The following PCDHGC3 variants were observed in gnomAD, a reference collection of about 807,000 sequenced individuals.
PCDHGC3 encodes protocadherin gamma subfamily C, 3, also known as protocadherin gamma-C3.
PCDHGC3 carries 26 observed loss-of-function variants against 59.2 expected under a neutral mutation model. The ratio of observed to expected loss-of-function variants is 0.44; its 90% CI spans 0.32 to 0.61. The LOEUF (loss-of-function observed/expected upper bound fraction) is 0.61, where lower values mean the gene tolerates loss of function less well. Among genes scored for constraint, PCDHGC3 ranks in the 20% least tolerant of loss-of-function variants. The pLI is 0.05. For synonymous variants in PCDHGC3, 487 were observed against 519.7 expected, an observed-to-expected ratio of 0.94 and a Z score of 0.86; for missense variants, 1,080 against 1,221.8, an observed-to-expected ratio of 0.88 and a Z score of 1.73.
intron 1 of PCDHGC3, chr5:141,478,790 C>T: frequency 6.8e-7 from 1 of 1,472,906 alleles, no homozygotes. Flanking sequence ...AATTCACATC[C>T]TCAGCACTCT....
chr5:141,504,937 G>A (rs1350441435), intron 2 of PCDHGC3, among the ~76,000 whole-genome samples: 2 of 152,054 alleles, frequency 1.3e-5, no homozygotes, highest in East Asian at 1.9e-4. Context: ...GGTGGGTGGG[G>A]GAATGCACTA....
At position 141,511,246 on chromosome 5, in the gene PCDHGC3, G is replaced by A; in HGVS notation, c.*73G>A. 2 of 1,578,734 alleles carry A rather than the reference G, an allele frequency of 1.3e-6. No homozygotes were observed. Among genetic ancestry groups the A allele is most frequent in the Non-Finnish European group, 1.7e-6 (2 of 1,162,472 alleles). On this transcript the variant is annotated 3_prime_UTR_variant, in exon 4 of 4. Coordinates refer to ENST00000308177, the MANE Select transcript of PCDHGC3 (RefSeq NM_002588.4). The stretch of plus-strand genomic sequence containing the variant: ...CCAGCTTCTCCTTACCTGCACCCAG[G>A]CCTCAGAGTTTCAGGGCTAACCCCC...
chr5:141,511,412 C>A lies in PCDHGC3; in HGVS notation c.*239C>A. 1.1e-6 allele frequency: 1 copy of A among 892,000 alleles called. No homozygotes were observed. Among genetic ancestry groups the A allele is most frequent in the Non-Finnish European group, 1.6e-6 (1 of 609,476 alleles). The allele number at this position is 892,000 out of a possible 1,614,324, so 55.3% of individuals were successfully genotyped here. On this transcript the variant is annotated 3_prime_UTR_variant, in exon 4 of 4. Coordinates refer to ENST00000308177, the MANE Select transcript of PCDHGC3 (RefSeq NM_002588.4). ...AACCCCCATCCAATCAACTGCTGTA[C>A]CCATGGGGGTAGTGGGGTTACTGTA...
chr5:141,495,430 C>T (rs1189953474), intron 2 of PCDHGC3, among the ~76,000 whole-genome samples: 3 of 152,220 alleles, frequency 2.0e-5, no homozygotes, highest in Admixed American at 2.0e-4. Context: ...TCCCACTGTC[C>T]TCTGCCCCTA....
intron 1 of PCDHGC3, among the ~76,000 whole-genome samples, chr5:141,481,171 C>G (rs927813327): frequency 6.6e-6 from 1 of 152,120 alleles, no homozygotes; most frequent in African/African-American, 2.4e-5. Flanking sequence ...AACCAGAATC[C>G]AGCTTTATTG....
Position 141,477,283 on chromosome 5 carries a change from C to T in PCDHGC3, c.1167C>T (p.Cys389=), listed in dbSNP as rs766672047. The T allele has an allele frequency of 9.3e-6, 15 of 1,614,076 alleles. No homozygotes were observed. The highest frequency in any genetic ancestry group is 2.7e-5 in the African/African-American group (2 of 74,924). The change falls in exon 1 of 4, where the codon TGC becomes TGT. Residue 389 remains cysteine (C), a synonymous_variant. Coordinates refer to ENST00000308177, the MANE Select transcript of PCDHGC3 (RefSeq NM_002588.4). The surrounding 1 kb of genome is among the most constrained non-coding windows in gnomAD (Gnocchi z 4.9). ...LDAGENGLVT[C]EVPPGLPFSL... is the part of the protein sequence containing the mutation. ...CTGGCGAGAACGGGCTGGTGACCTG[C>T]GAAGTTCCACCGGGTCTCCCTTTCA... is the stretch of plus-strand genomic sequence containing the variant.
intron 2 of PCDHGC3, among the ~76,000 whole-genome samples, chr5:141,501,159 C>G (rs1475164887): frequency 6.6e-6 from 1 of 152,096 alleles, no homozygotes; most frequent in East Asian, 1.9e-4. Context: ...GAGCCACCAT[C>G]CCCAGCCTCA....
rs139344941 is a variant in PCDHGC3, at chr5:141,480,950, C to T, written c.2430+2404C>T. Among the ~76,000 whole-genome samples the T allele has an allele frequency of 6.7e-3, 1,016 of 152,086 alleles. 11 individuals carry two copies. Among genetic ancestry groups the T allele is most frequent in the African/African-American group, 0.023 (953 of 41,456 alleles). On this transcript the variant is annotated intron_variant, in intron 1 of 3. Transcript: ENST00000308177. ...GTCCCAGCTACTCTAGAGGCTGAGG[C>T]GGAAGCATCAGTGAGGGAGAATCAG...
intron 2 of PCDHGC3, among the ~76,000 whole-genome samples, chr5:141,503,598 C>CAAAAAAA (rs765754054): frequency 1.5e-5 from 1 of 65,730 alleles, no homozygotes; most frequent in Non-Finnish European, 3.4e-5. Flanking sequence ...GACTCCAGCT[C>CAAAAAAA]AAAAAAAAAA....
At chr5:141,488,687 GA>G (rs1238909682) in intron 1 of PCDHGC3, among the ~76,000 whole-genome samples, 1 of 152,192 alleles carries the variant, frequency 6.6e-6, no homozygotes, top group East Asian at 1.9e-4. Flanking sequence ...GCCTCTCCCA[GA>G]AGGACAAGAT....
intron 2 of PCDHGC3, among the ~76,000 whole-genome samples, chr5:141,499,689 CTT>C (rs545067566): frequency 7.5e-5 from 9 of 119,852 alleles, no homozygotes; most frequent in African/African-American, 9.3e-5. Flanking sequence ...TAACAGATGA[CTT>C]TTTTTTTTTT....
chr5:141,494,843 G>T lies in PCDHGC3; in HGVS notation c.2467G>T (p.Ala823Ser). The T allele has an allele frequency of 6.2e-7, 1 of 1,614,088 alleles. No individual in the cohort carries two copies. The highest frequency in any genetic ancestry group is 8.5e-7 in the Non-Finnish European group (1 of 1,180,006). ...PPNTDWRFSQ[A>S]QRPGTSGSQN... Reference sequence around the variant, plus strand: ...CAACACGGACTGGCGTTTCTCTCAGGCCCAGAGACCCGGCACCAGCGGGTA... The same window carrying T: ...CAACACGGACTGGCGTTTCTCTCAGTCCCAGAGACCCGGCACCAGCGGGTA... Residue 823 changes from alanine (A) to serine (S), a missense_variant, in exon 2 of 4, where the codon GCC becomes TCC. Transcript: ENST00000308177.
intron 2 of PCDHGC3, among the ~76,000 whole-genome samples, chr5:141,501,049 A>G (rs1458722311): frequency 1.3e-5 from 2 of 151,844 alleles, no homozygotes; most frequent in African/African-American, 2.4e-5. Flanking sequence ...TTGTATTTTT[A>G]GTAGAGACGG....
rs1029080327 is a variant in PCDHGC3 at position 141,512,737 on chromosome 5, G to C, written c.*1564G>C. 6.5e-5 allele frequency: 10 copies of C among 152,868 alleles called. No individual in the cohort carries two copies. The highest frequency in any genetic ancestry group is 2.4e-4 in the African/African-American group (10 of 41,472). 9.5% of individuals were successfully genotyped at this position (152,868 alleles called of 1,614,324 possible). On this transcript the variant is annotated 3_prime_UTR_variant, in exon 4 of 4. Transcript: ENST00000308177. Reference sequence around the variant, plus strand: ...ATGGCGGGTGGGCAGCGGGCGGCGGGCTCCGCGCAGCCGTCTGTCCTTGAT... The same window carrying C: ...ATGGCGGGTGGGCAGCGGGCGGCGGCCTCCGCGCAGCCGTCTGTCCTTGAT...
intron 2 of PCDHGC3, among the ~76,000 whole-genome samples, chr5:141,498,815 C>T (rs1595543994): frequency 6.6e-6 from 1 of 152,032 alleles, no homozygotes. Flanking sequence ...CACCTGTAGT[C>T]CCAGCTACTC....
At chr5:141,510,653 T>G (rs1388568365) in intron 3 of PCDHGC3, among the ~76,000 whole-genome samples, 1 of 152,184 alleles carries the variant, frequency 6.6e-6, no homozygotes, top group Non-Finnish European at 1.5e-5. Context: ...ATCCCCATTT[T>G]GCAGATGAGA....
At chr5:141,499,451 T>A (rs1378621877) in intron 2 of PCDHGC3, among the ~76,000 whole-genome samples, 3 of 152,130 alleles carry the variant, frequency 2.0e-5, no homozygotes, top group Non-Finnish European at 4.4e-5. Flanking sequence ...AAACCACCCA[T>A]CATTTTACAA....
chr5:141,511,351 C>T lies in PCDHGC3; in HGVS notation c.*178C>T. The T allele has an allele frequency of 3.6e-6, 5 of 1,386,550 alleles. No individual in the cohort carries two copies. Among genetic ancestry groups the T allele is most frequent in the South Asian group, 1.5e-5 (1 of 67,154 alleles). The allele number at this position is 1,386,550 out of a possible 1,614,324, so 85.9% of individuals were successfully genotyped here. On this transcript the variant is annotated 3_prime_UTR_variant, in exon 4 of 4. Transcript: ENST00000308177. ...CCAGTCAGCACCTACCCCTTCCCCC[C>T]CAGGGGGTTGAATATGCAAAAGCAG...
intron 3 of PCDHGC3, among the ~76,000 whole-genome samples, chr5:141,510,440 C>T (rs1251795430): frequency 6.6e-6 from 1 of 152,066 alleles, no homozygotes; most frequent in Non-Finnish European, 1.5e-5. Context: ...TGCTGCCCTC[C>T]AGGAGCCCAT....
Sources: allele counts gnomAD v4.1 joint callset (sites outside exome capture counted in the v4.1 genomes callset), GRCh38; gene constraint gnomAD v4.1.1; non-coding constraint Gnocchi (gnomAD v3.1); transcripts MANE v1.5; gene names NCBI Gene and HGNC (gene_info 2026-07-23, HGNC 2026-07-21).